GABRB2: variants seen among roughly 807,000 people sequenced by gnomAD.
GABRB2 encodes gamma-aminobutyric acid type A receptor subunit beta2.
A neutral mutation model predicts 54.7 loss-of-function variants in GABRB2; 16 were observed. That is an observed-to-expected ratio of 0.29 (90% CI 0.20 to 0.44). GABRB2 has a LOEUF of 0.44. Ranked by LOEUF, GABRB2 falls within the 20% of genes least tolerant of loss-of-function variation. GABRB2 has a pLI of 1.00. For synonymous variants in GABRB2, 244 were observed against 233.8 expected, an observed-to-expected ratio of 1.04 and a Z score of -0.40; for missense variants, 355 against 644.0, an observed-to-expected ratio of 0.55 and a Z score of 4.86.
chr5:161,449,067 T>C (rs1757718088), intron 4 of GABRB2, among the ~76,000 whole-genome samples: 1 of 152,154 alleles, frequency 6.6e-6, no homozygotes, highest in South Asian at 2.1e-4. Context: ...ATCTAGACTC[T>C]TCAGTCTTCT....
intron 3 of GABRB2, among the ~76,000 whole-genome samples, chr5:161,537,361 A>G (rs538117798): frequency 4.1e-4 from 63 of 152,206 alleles, no homozygotes; most frequent in African/African-American, 1.4e-3. Context: ...ATATTTTCCA[A>G]TCGCCTGCTG....
intron 5 of GABRB2, among the ~76,000 whole-genome samples, chr5:161,405,086 A>C (rs1756308414): frequency 6.6e-6 from 1 of 152,026 alleles, no homozygotes; most frequent in African/African-American, 2.4e-5. Flanking sequence ...TCCTTAGGGT[A>C]CACAGAGTCT....
At chr5:161,343,963 G>A (rs1754244658) in intron 5 of GABRB2, among the ~76,000 whole-genome samples, 1 of 152,072 alleles carries the variant, frequency 6.6e-6, no homozygotes, top group South Asian at 2.1e-4. Flanking sequence ...TGATTTAATA[G>A]GTGAAACCCC....
chr5:161,477,505 T>C (rs1327878766), intron 3 of GABRB2, among the ~76,000 whole-genome samples: 1 of 151,962 alleles, frequency 6.6e-6, no homozygotes, highest in Non-Finnish European at 1.5e-5. Flanking sequence ...GATAGTTGCA[T>C]ATCCACGTTC....
chr5:161,447,234 C>T (rs899490207), intron 4 of GABRB2, among the ~76,000 whole-genome samples: 2 of 152,140 alleles, frequency 1.3e-5, no homozygotes, highest in Admixed American at 1.3e-4. Flanking sequence ...TGAAGCAAGG[C>T]AGTCAGGTCC....
chr5:161,372,455 G>A (rs1007405143), intron 5 of GABRB2, among the ~76,000 whole-genome samples: 5 of 152,006 alleles, frequency 3.3e-5, no homozygotes, highest in Non-Finnish European at 7.4e-5. Context: ...TGACATGATA[G>A]CTCCTATTTG....
rs570406383 is a variant in GABRB2 at position 161,396,527 on chromosome 5, A to G, written c.541+14448T>C. On this transcript the variant is annotated intron_variant, in intron 5 of 9. Coordinates refer to ENST00000393959, the MANE Select transcript of GABRB2 (RefSeq NM_001371727.1). ...GTGGCTCTTGAAAGAGTCTTTTTAC[A>G]TACTTTCTCTGAATTCTTTCCACGG... Among the ~76,000 whole-genome samples, 11 of 152,320 alleles carry G rather than the reference A, an allele frequency of 7.2e-5. No homozygotes were observed. In the East Asian group the frequency reaches 2.1e-3, roughly 29 times the overall value.
intron 3 of GABRB2, among the ~76,000 whole-genome samples, chr5:161,527,016 A>G (rs1279829750): frequency 2.0e-5 from 3 of 151,472 alleles, no homozygotes; most frequent in East Asian, 3.9e-4. Context: ...GCCAAAACTT[A>G]AAGATTGTAT....
chr5:161,530,743 T>TTG (rs1760432454), intron 3 of GABRB2, among the ~76,000 whole-genome samples: 1 of 152,152 alleles, frequency 6.6e-6, no homozygotes, highest in Non-Finnish European at 1.5e-5. Context: ...TATTATGACT[T>TTG]TTAAAATAAC....
chr5:161,341,810 A>G (rs1479874662), intron 5 of GABRB2, among the ~76,000 whole-genome samples: 1 of 150,366 alleles, frequency 6.7e-6, no homozygotes, highest in Non-Finnish European at 1.5e-5. Flanking sequence ...TTATCTACTA[A>G]GTCAATATTT....
intron 3 of GABRB2, among the ~76,000 whole-genome samples, chr5:161,496,634 A>G (rs1006918349): frequency 6.6e-6 from 1 of 152,048 alleles, no homozygotes; most frequent in African/African-American, 2.4e-5. Flanking sequence ...GAAGAGCAAT[A>G]TGAGCATTTT....
intron 3 of GABRB2, among the ~76,000 whole-genome samples, chr5:161,512,796 T>C (rs146482251): frequency 1.3e-5 from 2 of 151,614 alleles, no homozygotes; most frequent in East Asian, 3.9e-4. Context: ...TGGGAGAAAA[T>C]ATTAGCAGAG....
chr5:161,542,251 G>A (rs914775128), intron 3 of GABRB2, among the ~76,000 whole-genome samples: 1 of 152,068 alleles, frequency 6.6e-6, no homozygotes, highest in African/African-American at 2.4e-5. Context: ...GAAATATTGT[G>A]ATAATTACCA....
intron 5 of GABRB2, among the ~76,000 whole-genome samples, chr5:161,357,122 C>T (rs749501829): frequency 4.6e-5 from 7 of 152,048 alleles, no homozygotes; most frequent in African/African-American, 9.7e-5. Context: ...GTGCTTTGGA[C>T]AAATGAAAAA....
At chr5:161,522,867 G>T (rs990557074) in intron 3 of GABRB2, among the ~76,000 whole-genome samples, 1 of 151,262 alleles carries the variant, frequency 6.6e-6, no homozygotes, top group Non-Finnish European at 1.5e-5. Flanking sequence ...TATTGACTTG[G>T]TGTTAATTAT....
intron 5 of GABRB2, among the ~76,000 whole-genome samples, chr5:161,410,497 C>G (rs1162532121): frequency 6.6e-6 from 1 of 151,786 alleles, no homozygotes; most frequent in Non-Finnish European, 1.5e-5. Flanking sequence ...CTTGAAACAA[C>G]AACAGAAAAC....
chr5:161,414,502 G>A (rs1272737611), intron 4 of GABRB2, among the ~76,000 whole-genome samples: 8 of 152,008 alleles, frequency 5.3e-5, no homozygotes, highest in Non-Finnish European at 1.2e-4. Flanking sequence ...TATAAACAAG[G>A]CAGAGATATC....
intron 9 of GABRB2, among the ~76,000 whole-genome samples, chr5:161,313,694 C>A (rs908249610): frequency 2.0e-5 from 3 of 152,212 alleles, no homozygotes; most frequent in African/African-American, 7.2e-5. Flanking sequence ...CTGTTCCAAG[C>A]ACTTCCCCTG....
At chr5:161,317,480 C>T (rs1758077093) in intron 9 of GABRB2, among the ~76,000 whole-genome samples, 1 of 152,164 alleles carries the variant, frequency 6.6e-6, no homozygotes, top group Non-Finnish European at 1.5e-5. Flanking sequence ...TAAAGTTGAT[C>T]ATTCTTGCAC....
Sources: gnomAD v4.1 joint callset for allele counts (sites outside exome capture counted in the v4.1 genomes callset) on GRCh38, gnomAD v4.1.1 for gene constraint, MANE v1.5 for transcripts, NCBI Gene and HGNC (gene_info 2026-07-23, HGNC 2026-07-21) for gene names.